ENOSF1: variants seen among roughly 807,000 people sequenced by gnomAD.
ENOSF1 encodes the protein mitochondrial enolase superfamily member 1.
In ENOSF1, 73 loss-of-function variants were observed where a neutral mutation model predicts 68.2. That is an observed-to-expected ratio of 1.07 (90% CI 0.89 to 1.30). The LOEUF is 1.30. Ranked by LOEUF, ENOSF1 falls within the 50% of genes most tolerant of loss-of-function variation. ENOSF1 has a pLI of 0.00. For missense variants in ENOSF1, 589 were observed against 554.5 expected (o/e 1.06, Z -0.62); for synonymous variants, 223 against 210.4 (o/e 1.06, Z -0.52).
rs1339644711 is a variant in ENOSF1 at position 672,106 on chromosome 18, A to G, written c.*2199T>C. The G allele has an allele frequency of 6.6e-6, 1 of 152,256 alleles. No individual in the cohort carries two copies. Among genetic ancestry groups the G allele is most frequent in the Non-Finnish European group, 1.5e-5 (1 of 68,062 alleles). 9.4% of individuals were successfully genotyped at this position (152,256 alleles called of 1,614,324 possible). A position where few individuals can be genotyped will look rare whatever the true frequency, so the allele number is the denominator to read the frequency against. ...AAATATTTTTTGTTAATTTTACATTAAGTACAATATTTAGGTCCAAACTTC... is the reference window on the plus strand; with the variant it reads ...AAATATTTTTTGTTAATTTTACATTGAGTACAATATTTAGGTCCAAACTTC... On this transcript the variant is annotated 3_prime_UTR_variant, in exon 16 of 16. Coordinates refer to ENST00000647584, the MANE Select transcript of ENOSF1 (RefSeq NM_017512.7).
chr18:677,677 A>G lies in ENOSF1; in HGVS notation c.1048+66T>C, dbSNP rs183315605. On this transcript the variant is annotated intron_variant, in intron 13 of 15. Transcript: ENST00000647584. ...CTCCCATGCATGTGAATTGCAAACC[A>G]TCAAGGGAGGTGTCTGATTAGTGGG... 5.8e-4 allele frequency: 908 copies of G among 1,557,648 alleles called. 6 individuals carry two copies. The African/African-American group carries it at 0.011, about 19-fold the overall frequency.
At chr18:688,770 G>A (rs2076870315) in intron 8 of ENOSF1, among the ~76,000 whole-genome samples, 162 bp from the exon 9 acceptor site, 1 of 152,230 alleles carries the variant, frequency 6.6e-6, no homozygotes, top group Admixed American at 6.5e-5. Context: ...CTGGCTGACA[G>A]AGATCACTTT....
chr18:697,509 G>C (rs1251989461), intron 2 of ENOSF1, among the ~76,000 whole-genome samples, 154 bp from the exon 3 acceptor site: 1 of 152,200 alleles, frequency 6.6e-6, no homozygotes, highest in Non-Finnish European at 1.5e-5. Context: ...TCAACACTTT[G>C]GGAGGCCACG....
chr18:705,155 T>C (rs1403593706), intron 2 of ENOSF1, among the ~76,000 whole-genome samples: 1 of 152,238 alleles, frequency 6.6e-6, no homozygotes, highest in African/African-American at 2.4e-5. Context: ...AAGATTTTTT[T>C]CTACAACTAC....
rs532870647 is a variant in ENOSF1 at position 684,444 on chromosome 18, C to T, written c.742-1064G>A. On this transcript the variant is annotated intron_variant, in intron 10 of 15. Transcript: ENST00000647584. ...TCAGGGGGTTGAGGTGGGAGGATCC[C>T]CTGAGCCAGGGGAGGTCAAGGCTGC... Among the ~76,000 whole-genome samples the T allele has an allele frequency of 7.2e-5, 11 of 152,038 alleles. No homozygotes were observed. In the South Asian group the frequency reaches 2.1e-3, roughly 29 times the overall value.
intron 3 of ENOSF1, among the ~76,000 whole-genome samples, chr18:696,898 C>T (rs1392913334): frequency 2.6e-5 from 4 of 152,114 alleles, no homozygotes; most frequent in African/African-American, 7.2e-5. Flanking sequence ...AGGCGGATCA[C>T]TTGAGGTCAG....
chr18:669,268 C>G, downstream of ENOSF1: 1 of 997,074 alleles, frequency 1.0e-6, no homozygotes, highest in Admixed American at 2.3e-5. Context: ...AGGCAGGACC[C>G]TGGGAACTTC....
intron 2 of ENOSF1, among the ~76,000 whole-genome samples, chr18:703,169 G>A (rs2078554749): frequency 6.6e-6 from 1 of 152,180 alleles, no homozygotes; most frequent in Non-Finnish European, 1.5e-5. Flanking sequence ...ATGGAGAGAT[G>A]GAAGTTGATT....
chr18:694,342 G>C lies in ENOSF1; in HGVS notation c.310-8C>G, dbSNP rs751153320. 6 of 1,613,982 alleles carry C rather than the reference G, an allele frequency of 3.7e-6. No individual in the cohort carries two copies. In the South Asian group the frequency reaches 6.6e-5, roughly 18 times the overall value. On this transcript the variant is annotated splice_region_variant and splice_polypyrimidine_tract_variant and intron_variant, in intron 3 of 15. Transcript: ENST00000647584. ...GCCCTTTTCTGGACCAATCTGGTTA[G>C]GAAGCAAAGTACAAAAGCACTTTTT... is the stretch of plus-strand genomic sequence containing the variant.
chr18:712,257 C>T, intron 1 of ENOSF1: 1 of 1,523,854 alleles, frequency 6.6e-7, no homozygotes, highest in Admixed American at 2.0e-5. Flanking sequence ...AGGCGCGCCT[C>T]CCACTTTACA....
rs2076268512 is a variant in ENOSF1 at position 683,255 on chromosome 18, G to T, written c.867C>A (p.Thr289=). Residue 289 remains threonine (T), a synonymous_variant, in exon 11 of 16, where the codon ACC becomes ACA. Coordinates refer to ENST00000647584, the MANE Select transcript of ENOSF1 (RefSeq NM_017512.7). ...TSPDDILGHA[T]ISKALVPLGI... is the part of the protein sequence containing the mutation. ...GCAGCCGTTTTCCTACCTTGGAAAT[G>T]GTGGCGTGCCCCAGAATGTCATCAG... 2 of 1,614,042 alleles carry T rather than the reference G, an allele frequency of 1.2e-6. No homozygotes were observed. Among genetic ancestry groups the T allele is most frequent in the Non-Finnish European group, 1.7e-6 (2 of 1,179,992 alleles).
At chr18:700,998 C>CG (rs1258628876) in intron 2 of ENOSF1, among the ~76,000 whole-genome samples, 3 of 151,500 alleles carry the variant, frequency 2.0e-5, no homozygotes, top group South Asian at 2.1e-4. Flanking sequence ...CAACTAAACC[C>CG]GGGGGGTTTT....
intron 3 of ENOSF1, among the ~76,000 whole-genome samples, chr18:694,735 A>G (rs893490719): frequency 1.3e-5 from 2 of 151,924 alleles, no homozygotes; most frequent in Non-Finnish European, 2.9e-5. Context: ...GGTTAAGTTT[A>G]AAAAAAACAG....
rs1460587498 is a variant in ENOSF1, at chr18:677,791, T to C, written c.1000A>G (p.Ser334Gly). 3 of 1,614,230 alleles carry C rather than the reference T, an allele frequency of 1.9e-6. No individual in the cohort carries two copies. Among genetic ancestry groups the C allele is most frequent in the Non-Finnish European group, 2.5e-6 (3 of 1,180,038 alleles). ...FLQIDSCRLG[S>G]VNENLSVLLM... ...AATACTGAGAGGTTCTCATTGACACTGCCCAGTCTGCAACTGTCAATCTGG... is the reference window on the plus strand; with the variant it reads ...AATACTGAGAGGTTCTCATTGACACCGCCCAGTCTGCAACTGTCAATCTGG... The change falls in exon 13 of 16, where the codon AGT becomes GGT. Residue 334 changes from serine (S) to glycine (G), a missense_variant. By Grantham distance (56) the Ser-to-Gly change is moderately conservative (BLOSUM62 0). Coordinates refer to ENST00000647584, the MANE Select transcript of ENOSF1 (RefSeq NM_017512.7).
At chr18:692,181 C>T (rs2077255136) in intron 5 of ENOSF1, 1 of 152,298 alleles carries the variant, frequency 6.6e-6, no homozygotes, top group South Asian at 2.1e-4. Context: ...GAGACCTCTC[C>T]CCACCCTGAC....
At chr18:696,846 G>A (rs2077783007) in intron 3 of ENOSF1, among the ~76,000 whole-genome samples, 1 of 152,180 alleles carries the variant, frequency 6.6e-6, no homozygotes, top group South Asian at 2.1e-4. Flanking sequence ...GATGGGCATG[G>A]TGGCTCACAC....
chr18:679,560 T>TG (rs1182245698), intron 11 of ENOSF1, among the ~76,000 whole-genome samples: 1 of 86,282 alleles, frequency 1.2e-5, no homozygotes, highest in East Asian at 3.9e-4. Context: ...GAAAAATCCA[T>TG]GAAAAAAAAA....
downstream of ENOSF1, among the ~76,000 whole-genome samples, chr18:667,448 T>A (rs1301381217): frequency 2.7e-3 from 3 of 1,128 alleles, 1 homozygote; most frequent in African/African-American, 5.7e-3. Flanking sequence ...ATGGTGATGG[T>A]GATGGTGATG....
In ENOSF1 at chr18:684,822, C is replaced by T. The variant is rs1165839667; in HGVS notation, c.741+1099G>A. Among the ~76,000 whole-genome samples the T allele has an allele frequency of 2.0e-5, 3 of 151,936 alleles. No individual in the cohort carries two copies. In the East Asian group the frequency reaches 5.8e-4, roughly 29 times the overall value. On this transcript the variant is annotated intron_variant, in intron 10 of 15. Coordinates refer to ENST00000647584, the MANE Select transcript of ENOSF1 (RefSeq NM_017512.7). The stretch of plus-strand genomic sequence containing the variant: ...TGTGCTAAGTGATAAGAGCTCTCTC[C>T]CAGGACACTATGAAAACCAGAGGAC...
Sources: allele counts gnomAD v4.1 joint callset (sites outside exome capture counted in the v4.1 genomes callset), GRCh38; gene constraint gnomAD v4.1.1; transcripts MANE v1.5; gene names NCBI Gene and HGNC (gene_info 2026-07-23, HGNC 2026-07-21).